STX2: variants seen among roughly 807,000 people sequenced by gnomAD.
STX2 encodes syntaxin 2.
In STX2, 27 loss-of-function variants were observed where a neutral mutation model predicts 40.6. The ratio of observed to expected loss-of-function variants is 0.66; its 90% CI spans 0.49 to 0.92. The LOEUF (loss-of-function observed/expected upper bound fraction) is 0.92. STX2 is among the 40% of genes least tolerant of loss of function. STX2 has a pLI of 0.00. For missense variants in STX2, 328 were observed against 366.1 expected, an observed-to-expected ratio of 0.90 and a Z score of 0.85; for synonymous variants, 123 against 119.1, an observed-to-expected ratio of 1.03 and a Z score of -0.22.
At chr12:130,804,866 G>A (rs1951370043) in intron 6 of STX2, among the ~76,000 whole-genome samples, 1 of 151,608 alleles carries the variant, frequency 6.6e-6, no homozygotes, top group African/African-American at 2.4e-5. Flanking sequence ...ATGATTGCAA[G>A]AGAAGAAACT....
At chr12:130,817,541 A>T (rs1160214692) in intron 3 of STX2, among the ~76,000 whole-genome samples, 2 of 152,198 alleles carry the variant, frequency 1.3e-5, no homozygotes, top group Admixed American at 1.3e-4. Flanking sequence ...ATGCTACTTG[A>T]AGAAGTAATG....
chr12:130,813,961 T>C (rs10744484), intron 3 of STX2, among the ~76,000 whole-genome samples: 8 of 152,120 alleles, frequency 5.3e-5, no homozygotes, highest in Non-Finnish European at 1.0e-4. Context: ...CGTAGACAAC[T>C]TGGCCAAGAA....
intron 1 of STX2, among the ~76,000 whole-genome samples, chr12:130,836,090 T>C (rs555568569): frequency 6.6e-6 from 1 of 151,110 alleles, no homozygotes; most frequent in Admixed American, 6.7e-5. Flanking sequence ...CAAGCACGGT[T>C]GTGAGTACAC....
intron 2 of STX2, among the ~76,000 whole-genome samples, chr12:130,826,335 T>C (rs374048953): frequency 6.6e-6 from 1 of 152,172 alleles, no homozygotes; most frequent in East Asian, 1.9e-4. Flanking sequence ...TCTGAGACAC[T>C]GCCAGTCTTG....
At chr12:130,803,690 C>CTA (rs1384277290) in intron 6 of STX2, among the ~76,000 whole-genome samples, 7 of 9,434 alleles carry the variant, frequency 7.4e-4, no homozygotes, top group Admixed American at 1.7e-3. Flanking sequence ...AAAAAAAAAA[C>CTA]AAACTAAAAG....
intron 3 of STX2, among the ~76,000 whole-genome samples, chr12:130,815,397 G>A (rs1039883522): frequency 9.8e-5 from 15 of 152,314 alleles, no homozygotes; most frequent in African/African-American, 2.9e-4. Context: ...GTTCGTGCGC[G>A]TGTGAGATGT....
At chr12:130,826,467 G>A (rs1376038495) in intron 2 of STX2, among the ~76,000 whole-genome samples, 1 of 152,230 alleles carries the variant, frequency 6.6e-6, no homozygotes, top group Non-Finnish European at 1.5e-5. Context: ...CCCACCAGCA[G>A]AGGGCGCTGC....
intron 3 of STX2, among the ~76,000 whole-genome samples, chr12:130,814,699 C>T (rs564845341): frequency 1.5e-5 from 2 of 130,502 alleles, no homozygotes; most frequent in African/African-American, 2.9e-5. Flanking sequence ...TGCAGTGGCA[C>T]AATCTCGACT....
At chr12:130,832,337 A>C (rs1032795657) in intron 1 of STX2, among the ~76,000 whole-genome samples, 3 of 152,140 alleles carry the variant, frequency 2.0e-5, no homozygotes, top group African/African-American at 4.8e-5. Flanking sequence ...TATTGTGCCT[A>C]ATATTTTTCC....
chr12:130,811,856 C>A (rs1019092032), intron 4 of STX2, among the ~76,000 whole-genome samples: 3 of 152,116 alleles, frequency 2.0e-5, no homozygotes, highest in East Asian at 1.9e-4. Flanking sequence ...AACATCTTAA[C>A]GTAACCATGA....
At chr12:130,818,523 AG>A (rs1951978213) in intron 3 of STX2, among the ~76,000 whole-genome samples, 1 of 152,176 alleles carries the variant, frequency 6.6e-6, no homozygotes, top group African/African-American at 2.4e-5. Flanking sequence ...CCGGTGGGAC[AG>A]GATCTGAATC....
At chr12:130,833,185 G>A (rs1952634798) in intron 1 of STX2, among the ~76,000 whole-genome samples, 1 of 152,106 alleles carries the variant, frequency 6.6e-6, no homozygotes, top group African/African-American at 2.4e-5. Flanking sequence ...AAGAGCAAGA[G>A]AAGGGCAGAC....
At chr12:130,806,421 C>T (rs538957348) in intron 6 of STX2, among the ~76,000 whole-genome samples, 37 of 152,308 alleles carry the variant, frequency 2.4e-4, no homozygotes, top group African/African-American at 4.3e-4. Context: ...TGCAGTGGGA[C>T]GTCCTCACAG....
chr12:130,835,799 C>T (rs565810757), intron 1 of STX2, among the ~76,000 whole-genome samples: 2 of 152,226 alleles, frequency 1.3e-5, no homozygotes, highest in South Asian at 4.1e-4. Flanking sequence ...AGATCTGGAC[C>T]AAGTCACGCA....
intron 1 of STX2, among the ~76,000 whole-genome samples, chr12:130,832,266 T>G (rs1952593689): frequency 1.3e-5 from 2 of 152,100 alleles, no homozygotes; most frequent in African/African-American, 4.8e-5. Context: ...CCTCATACAT[T>G]CATCTTACTG....
intron 3 of STX2, among the ~76,000 whole-genome samples, chr12:130,818,185 A>AAAAAAAAAAAAATAT: frequency 2.8e-5 from 2 of 70,586 alleles, no homozygotes; most frequent in African/African-American, 1.2e-4. Context: ...AAAAAAAAAA[A>AAAAAAAAAAAAATAT]ATATATATAT....
chr12:130,791,836 G>A lies in STX2; in HGVS notation c.*187C>T, dbSNP rs745602651. On this transcript the variant is annotated 3_prime_UTR_variant, in exon 11 of 11. Transcript: ENST00000392373. ...CTGAGATTCATTCACGAAATGACAG[G>A]ATGCTGATTTGGTTGCAGATGTGGT... 127 of 1,375,780 alleles carry A rather than the reference G, an allele frequency of 9.2e-5. No homozygotes were observed. Among genetic ancestry groups the A allele is most frequent in the Non-Finnish European group, 1.3e-5 (13 of 968,360 alleles). 85.2% of individuals were successfully genotyped at this position (1,375,780 alleles called of 1,614,324 possible). A position where few individuals can be genotyped will look rare whatever the true frequency, so the allele number is the denominator to read the frequency against.
At position 130,818,766 on chromosome 12, in the gene STX2, C is replaced by T. The variant is rs541147953; in HGVS notation, c.205+2923G>A. Among the ~76,000 whole-genome samples the T allele has an allele frequency of 3.3e-5, 5 of 152,304 alleles. No homozygotes were observed. In the South Asian group the frequency reaches 8.3e-4, roughly 25 times the overall value. ...AGGAAGCAGAGAAAACGGGAGCGTG[C>T]GCAGCCGCAAGGACGACCGCACCCG... On this transcript the variant is annotated intron_variant, in intron 3 of 10. Coordinates refer to ENST00000392373, the MANE Select transcript of STX2 (RefSeq NM_194356.4).
At chr12:130,832,275 T>G (rs1017730202) in intron 1 of STX2, among the ~76,000 whole-genome samples, 24 of 152,258 alleles carry the variant, frequency 1.6e-4, no homozygotes, top group Admixed American at 1.2e-3. Flanking sequence ...TTCATCTTAC[T>G]GCTGCATACA....
Sources: gnomAD v4.1 joint callset for allele counts (sites outside exome capture counted in the v4.1 genomes callset) on GRCh38, gnomAD v4.1.1 for gene constraint, MANE v1.5 for transcripts, NCBI Gene and HGNC (gene_info 2026-07-23, HGNC 2026-07-21) for gene names.